The following OPCML variants were observed in gnomAD, a reference collection of about 807,000 sequenced individuals.
OPCML encodes the protein opioid binding protein/cell adhesion molecule like.
In OPCML, 13 loss-of-function variants were observed where a neutral mutation model predicts 37.8. The ratio of observed to expected loss-of-function variants is 0.34; its 90% CI spans 0.22 to 0.55. The LOEUF is 0.55. Among genes scored for constraint, OPCML ranks in the 20% least tolerant of loss-of-function variants. The pLI is 0.91. For synonymous variants in OPCML, 176 were observed against 168.8 expected (o/e 1.04, Z -0.33); for missense variants, 341 against 435.6 (o/e 0.78, Z 1.93).
chr11:132,872,889 G>T (rs1439693117), intron 2 of OPCML, among the ~76,000 whole-genome samples: 1 of 151,544 alleles, frequency 6.6e-6, no homozygotes, highest in African/African-American at 2.4e-5. Context: ...AATGTAAAAT[G>T]AATACTTCTC....
At chr11:133,340,779 T>C (rs1178675125) in intron 1 of OPCML, among the ~76,000 whole-genome samples, 1 of 152,054 alleles carries the variant, frequency 6.6e-6, no homozygotes, top group African/African-American at 2.4e-5. Context: ...CTTAAGTGTA[T>C]GTATAAGAAA....
chr11:133,006,637 C>T (rs887049374), intron 1 of OPCML: 2 of 985,340 alleles, frequency 2.0e-6, no homozygotes, highest in African/African-American at 1.7e-5. Flanking sequence ...GTGAAACTCA[C>T]ACCATCTGGA....
At chr11:133,322,258 T>C (rs888694804) in intron 1 of OPCML, among the ~76,000 whole-genome samples, 5 of 152,190 alleles carry the variant, frequency 3.3e-5, no homozygotes, top group African/African-American at 1.2e-4. Context: ...TGATGGTAAT[T>C]GGGCAGAGAT....
At chr11:133,230,660 C>T (rs1940239381) in intron 1 of OPCML, among the ~76,000 whole-genome samples, 1 of 152,148 alleles carries the variant, frequency 6.6e-6, no homozygotes, top group Admixed American at 6.5e-5. Context: ...CAATAAAAGG[C>T]ATCATAAAAG....
rs58784534 is a variant in OPCML at position 132,446,103 on chromosome 11, CTTTTTTTTTTTTT to C, written c.506-8757_506-8745del. 3.3e-3 allele frequency among the ~76,000 whole-genome samples: 161 copies of C among 48,518 alleles called. 3 individuals are homozygous for C. The highest frequency in any genetic ancestry group is 0.013 in the African/African-American group (146 of 11,148). 31.8% of individuals were successfully genotyped at this position (48,518 alleles called of 152,430 possible). ...GTGTTTAGCTTGGCTCTGCTTGTGT[CTTTTTTTTTTTTT>C]TTTTTTTTTTTTTTGAGATGGGTTC... On this transcript the variant is annotated intron_variant, in intron 4 of 7. Coordinates refer to ENST00000524381, the MANE Select transcript of OPCML (RefSeq NM_001012393.5).
At chr11:133,531,334 G>A (rs1948600539) in intron 1 of OPCML, among the ~76,000 whole-genome samples, 1 of 152,194 alleles carries the variant, frequency 6.6e-6, no homozygotes, top group Non-Finnish European at 1.5e-5. Flanking sequence ...CTGTGTCACT[G>A]CAGATTTGTT....
intron 1 of OPCML, among the ~76,000 whole-genome samples, chr11:133,061,649 G>A (rs1397228580): frequency 6.6e-6 from 1 of 152,086 alleles, no homozygotes; most frequent in Non-Finnish European, 1.5e-5. Context: ...AAGGATTGAG[G>A]GCAAGGAACC....
At chr11:132,662,806 A>G (rs1241191766) in intron 2 of OPCML, among the ~76,000 whole-genome samples, 2 of 152,254 alleles carry the variant, frequency 1.3e-5, no homozygotes, top group South Asian at 2.1e-4. Flanking sequence ...CTCATCTCAC[A>G]TACAGGCACA....
intron 2 of OPCML, among the ~76,000 whole-genome samples, chr11:132,849,215 G>A (rs1055438033): frequency 3.3e-5 from 5 of 152,200 alleles, no homozygotes; most frequent in African/African-American, 9.7e-5. Context: ...GGAAACTGAT[G>A]TGAAGAGAGG....
At chr11:132,940,582 T>C (rs929598413) in intron 2 of OPCML, among the ~76,000 whole-genome samples, 1 of 152,140 alleles carries the variant, frequency 6.6e-6, no homozygotes, top group Non-Finnish European at 1.5e-5. Context: ...TTCTAGAAAC[T>C]GAAAACATGG....
intron 1 of OPCML, chr11:133,299,922 A>AG (rs1354440607): frequency 6.6e-6 from 1 of 152,168 alleles, no homozygotes; most frequent in Non-Finnish European, 1.5e-5. Context: ...AGTGAAGTTG[A>AG]GGGTCCTTGG....
In OPCML at chr11:133,291,106, G is replaced by A. The variant is rs183161066; in HGVS notation, c.61+241158C>T. On this transcript the variant is annotated intron_variant, in intron 1 of 7. Coordinates refer to ENST00000524381, the MANE Select transcript of OPCML (RefSeq NM_001012393.5). Reference sequence around the variant, plus strand: ...GTAACACCAACATTATTCGTGCCACGCACAGCTCAATGCCCAAGGCTGTGT... The same window carrying A: ...GTAACACCAACATTATTCGTGCCACACACAGCTCAATGCCCAAGGCTGTGT... Among the ~76,000 whole-genome samples, 633 of 152,312 alleles carry A rather than the reference G, an allele frequency of 4.2e-3. 5 individuals are homozygous for A. The highest frequency in any genetic ancestry group is 0.015 in the African/African-American group (604 of 41,554).
intron 2 of OPCML, among the ~76,000 whole-genome samples, chr11:132,873,715 C>CAAAAAAAAAAAAAAAAAAA (rs34642015): frequency 9.0e-6 from 1 of 111,254 alleles, no homozygotes; most frequent in Non-Finnish European, 1.9e-5. Flanking sequence ...CAGTTGGGCA[C>CAAAAAAAAAAAAAAAAAAA]AAAAAAAAAA....
intron 1 of OPCML, among the ~76,000 whole-genome samples, chr11:132,979,068 C>T (rs1946527205): frequency 6.6e-6 from 1 of 152,182 alleles, no homozygotes; most frequent in African/African-American, 2.4e-5. Context: ...TTTCCACCCT[C>T]TCATATCTCA....
At position 133,173,172 on chromosome 11, in the gene OPCML, T is replaced by A. The variant is rs1950311112; in HGVS notation, c.62-230162A>T. The stretch of plus-strand genomic sequence containing the variant: ...TTTAAAAAAATTACATGTGAGGGAA[T>A]ATTTCATATGAATTCCTAAGAAAAT... On this transcript the variant is annotated intron_variant, in intron 1 of 7. Transcript: ENST00000524381. This position sits in a 1 kb window ranked among gnomAD's most constrained non-coding sequence, Gnocchi z 7.8. Among the ~76,000 whole-genome samples the A allele has an allele frequency of 6.6e-6, 1 of 151,876 alleles. No individual in the cohort carries two copies. Among genetic ancestry groups the A allele is most frequent in the Non-Finnish European group, 1.5e-5 (1 of 67,906 alleles).
chr11:133,237,085 GC>G (rs1940550488), intron 1 of OPCML, among the ~76,000 whole-genome samples: 1 of 152,190 alleles, frequency 6.6e-6, no homozygotes, highest in Admixed American at 6.5e-5. Context: ...GGAGTCCTCT[GC>G]CTGAGCTGAG....
chr11:132,615,893 G>A (rs1035226608), intron 3 of OPCML, among the ~76,000 whole-genome samples: 1 of 152,106 alleles, frequency 6.6e-6, no homozygotes, highest in Non-Finnish European at 1.5e-5. Flanking sequence ...AACCAAGAGG[G>A]AAAAAAAGGC....
At chr11:132,775,279 A>C (rs1946773648) in intron 2 of OPCML, among the ~76,000 whole-genome samples, 1 of 152,218 alleles carries the variant, frequency 6.6e-6, no homozygotes, top group African/African-American at 2.4e-5. Flanking sequence ...GCTTTGCTTG[A>C]TGACACTGAA....
chr11:133,131,905 T>C (rs533800676), intron 1 of OPCML, among the ~76,000 whole-genome samples: 1 of 152,252 alleles, frequency 6.6e-6, no homozygotes, highest in African/African-American at 2.4e-5. Context: ...AAATTGCATA[T>C]CCATATGCAA....
Sources: allele counts gnomAD v4.1 joint callset (sites outside exome capture counted in the v4.1 genomes callset), GRCh38; gene constraint gnomAD v4.1.1; non-coding constraint Gnocchi (gnomAD v3.1); transcripts MANE v1.5; gene names NCBI Gene and HGNC (gene_info 2026-07-23, HGNC 2026-07-21).